The following ACAA2 variants were observed in gnomAD, a reference collection of about 807,000 sequenced individuals.
ACAA2 encodes the protein acetyl-CoA acyltransferase 2.
Under a neutral mutation model 44.8 loss-of-function variants are expected in ACAA2, and 35 were observed. The observed-to-expected ratio is 0.78, with a 90% CI of 0.60 to 1.04. The LOEUF (loss-of-function observed/expected upper bound fraction) is 1.04. ACAA2 is among the 50% of genes least tolerant of loss of function. The pLI, the probability that ACAA2 is intolerant of heterozygous loss-of-function variation, is 0.00. For missense variants in ACAA2, 468 were observed against 482.6 expected, an observed-to-expected ratio of 0.97 and a Z score of 0.28; for synonymous variants, 142 against 166.5, an observed-to-expected ratio of 0.85 and a Z score of 1.13.
intron 9 of ACAA2, 116 bp from the exon 10 acceptor site, chr18:49,784,047 T>C (rs868662503): frequency 9.9e-6 from 8 of 811,378 alleles, no homozygotes; most frequent in Admixed American, 2.1e-5. Flanking sequence ...TGCTCAATCT[T>C]TTCCCCAGTC....
intron 2 of ACAA2, among the ~76,000 whole-genome samples, chr18:49,797,870 C>T (rs1598797199): frequency 6.6e-6 from 1 of 151,790 alleles, no homozygotes; most frequent in Admixed American, 6.6e-5. Flanking sequence ...GTGTATAGTT[C>T]AATGGTATTA....
At chr18:49,794,572 G>A in intron 4 of ACAA2, 145 bp from the exon 5 acceptor site, 1 of 635,656 alleles carries the variant, frequency 1.6e-6, no homozygotes, top group South Asian at 3.8e-5. Context: ...TTCAGTTATG[G>A]GATATTTTTT....
rs962183711 is a variant in ACAA2 at position 49,794,260 on chromosome 18, T to C, written c.577+20A>G. 3.8e-6 allele frequency: 6 copies of C among 1,582,414 alleles called. No homozygotes were observed. The highest frequency in any genetic ancestry group is 5.1e-6 in the Non-Finnish European group (6 of 1,168,618). ...TAGATATTTATTCTATAGATACTGA[T>C]ACTTTCCAGTTTCACTCACCAGCTT... On this transcript the variant is annotated intron_variant, in intron 5 of 9. Transcript: ENST00000285093.
At chr18:49,802,159 C>A (rs1377298438) in intron 2 of ACAA2, among the ~76,000 whole-genome samples, 1 of 152,156 alleles carries the variant, frequency 6.6e-6, no homozygotes, top group Non-Finnish European at 1.5e-5. Flanking sequence ...TTAGGAAGCA[C>A]TGAAATGCAT....
intron 2 of ACAA2, among the ~76,000 whole-genome samples, chr18:49,799,587 T>G (rs903283458): frequency 2.0e-5 from 3 of 152,060 alleles, no homozygotes; most frequent in African/African-American, 7.2e-5. Context: ...CCCAGCCGCC[T>G]GCCTTGGCCT....
At chr18:49,806,057 G>C (rs577940518) in intron 1 of ACAA2, among the ~76,000 whole-genome samples, 2 of 152,046 alleles carry the variant, frequency 1.3e-5, no homozygotes, top group Admixed American at 1.3e-4. Flanking sequence ...ACTACCTGAC[G>C]GTCTTGGAAA....
chr18:49,791,616 C>G lies in ACAA2; in HGVS notation c.754-17G>C, dbSNP rs80081658. ...AGCTACACCCTTGAAAATAAAAATA[C>G]TAGATTAACTAAAGGCTAAAATAAT... On this transcript the variant is annotated splice_polypyrimidine_tract_variant and intron_variant, in intron 6 of 9. Transcript: ENST00000285093. 24 of 1,610,710 alleles carry G rather than the reference C, an allele frequency of 1.5e-5. No homozygotes were observed. The East Asian group carries it at 5.1e-4, about 34-fold the overall frequency.
rs1215230400 is a variant in ACAA2, at chr18:49,797,564, G to C, written c.214C>G (p.His72Asp). ...SSSDAIYLAR[H>D]VGLRVGIPKE... ...GGGATTCCCACACGCAAACCAACAT[G>C]CCTTGCCAAATATATAGCATCTGAA... is the stretch of plus-strand genomic sequence containing the variant. Residue 72 changes from histidine to aspartate, a missense_variant, in exon 3 of 10, where the codon CAT becomes GAT. Transcript: ENST00000285093. 4.3e-6 allele frequency: 7 copies of C among 1,611,532 alleles called. No homozygotes were observed. Among genetic ancestry groups the C allele is most frequent in the Non-Finnish European group, 5.1e-6 (6 of 1,179,044 alleles).
At position 49,794,288 on chromosome 18, in the gene ACAA2, C is replaced by T. The variant is rs1414317335; in HGVS notation, c.569G>A (p.Trp190Ter). 13 of 1,596,748 alleles carry T rather than the reference C, an allele frequency of 8.1e-6. No homozygotes were observed. The highest frequency in any genetic ancestry group is 1.1e-5 in the Non-Finnish European group (13 of 1,175,174). The change falls in exon 5 of 10, where the codon TGG becomes TAG. Residue 190 changes from tryptophan to a stop codon, truncating the protein, a stop_gained. Transcript: ENST00000285093. LOFTEE classifies it high-confidence loss of function. ...TTTCCAGTTTCACTCACCAGCTTTCCATCTCTGCTGTGACTGCAGGGCATA... is the reference window on the plus strand; with the variant it reads ...TTTCCAGTTTCACTCACCAGCTTTCTATCTCTGCTGTGACTGCAGGGCATA... Reference protein sequence around the residue: ...DKYALQSQQRWKAANDAGYFN... With the variant: ...DKYALQSQQR
chr18:49,801,814 A>ATATATC (rs1491158195), intron 2 of ACAA2, among the ~76,000 whole-genome samples: 7 of 134,996 alleles, frequency 5.2e-5, no homozygotes, highest in South Asian at 2.4e-4. Context: ...ATATATATAT[A>ATATATC]TCTTATCTTT....
At chr18:49,802,560 CAA>C (rs74176744) in intron 2 of ACAA2, 125 bp downstream of exon 2, 7,159 of 587,438 alleles carry the variant, frequency 0.012, no homozygotes, top group South Asian at 0.037. Context: ...GACTCCATCT[CAA>C]AAAAAAAAAA....
intron 8 of ACAA2, among the ~76,000 whole-genome samples, chr18:49,786,852 G>A (rs1223642975): frequency 1.3e-5 from 2 of 152,094 alleles, no homozygotes; most frequent in African/African-American, 4.8e-5. Flanking sequence ...TCGTATAAAA[G>A]CCAAAGATAC....
chr18:49,789,119 CTG>C (rs2023368127), intron 7 of ACAA2, among the ~76,000 whole-genome samples: 1 of 152,162 alleles, frequency 6.6e-6, no homozygotes, highest in African/African-American at 2.4e-5. Context: ...CCAGGGAGTG[CTG>C]TCTTTCTATA....
intron 6 of ACAA2, 76 bp downstream of exon 6, chr18:49,792,076 T>A: frequency 8.1e-7 from 1 of 1,227,304 alleles, no homozygotes; most frequent in Non-Finnish European, 1.1e-6. Flanking sequence ...ATAAAAAGTA[T>A]TTACAAGATA....
Position 49,785,146 on chromosome 18 carries a change from C to T in ACAA2, c.1109+51G>A, listed in dbSNP as rs149558701. ...TGTTCTGGGGAAGCCTAAATCCATG[C>T]ATTTCTATAAAAAACAGCAAATCTG... On this transcript the variant is annotated intron_variant, in intron 9 of 9. Transcript: ENST00000285093. 2,853 of 1,592,342 alleles carry T rather than the reference C, an allele frequency of 1.8e-3. 6 individuals are homozygous for T. Among genetic ancestry groups the T allele is most frequent in the Non-Finnish European group, 2.2e-3 (2,603 of 1,168,900 alleles).
intron 4 of ACAA2, 71 bp from the exon 5 acceptor site, chr18:49,794,498 T>G: frequency 8.2e-7 from 1 of 1,226,786 alleles, no homozygotes; most frequent in South Asian, 2.6e-5. Flanking sequence ...ATAATTTCTT[T>G]AAATAATCAA....
At chr18:49,806,713 C>T (rs533644044) in intron 1 of ACAA2, among the ~76,000 whole-genome samples, 2 of 152,282 alleles carry the variant, frequency 1.3e-5, no homozygotes, top group South Asian at 4.1e-4. Context: ...AAATAGCATT[C>T]TATTACAACT....
intron 7 of ACAA2, among the ~76,000 whole-genome samples, chr18:49,789,273 T>G (rs1409806004): frequency 1.3e-5 from 2 of 152,158 alleles, no homozygotes; most frequent in African/African-American, 4.8e-5. Context: ...TTCTTGTAAG[T>G]TAGATTAACA....
rs1488888520 is a variant in ACAA2 at position 49,785,493 on chromosome 18, A to C, written c.955-142T>G. The C allele has an allele frequency of 3.9e-6, 3 of 772,602 alleles. No homozygotes were observed. The African/African-American group carries it at 5.3e-5, about 14-fold the overall frequency. The allele number at this position is 772,602 out of a possible 1,614,324, so 47.9% of individuals were successfully genotyped here. ...TCGCAAAGTTATTTTATCTACAATC[A>C]TTCTGCATAAAGCTATCAGGTTTAA... On this transcript the variant is annotated intron_variant, in intron 8 of 9. Coordinates refer to ENST00000285093, the MANE Select transcript of ACAA2 (RefSeq NM_006111.3).
Sources: allele counts gnomAD v4.1 joint callset (sites outside exome capture counted in the v4.1 genomes callset), GRCh38; gene constraint gnomAD v4.1.1; transcripts MANE v1.5; gene names NCBI Gene and HGNC (gene_info 2026-07-23, HGNC 2026-07-21).